Variants in OR1A1 observed in about 807,000 individuals in gnomAD.
OR1A1 encodes olfactory receptor family 1 subfamily A member 1, also known as olfactory receptor 1A1.
For missense variants in OR1A1, 391 were observed against 379.9 expected (o/e 1.03, Z -0.24); for synonymous variants, 145 against 147.8 (o/e 0.98, Z 0.13).
At chr17:3,214,933 A>G (rs1272093511) in intron 3 of OR1A1, 2 of 152,156 alleles carry the variant, frequency 1.3e-5, no homozygotes, top group African/African-American at 4.8e-5. Context: ...ACACCTGGGG[A>G]GAAAATTCTC....
In OR1A1 at chr17:3,218,177, A is replaced by C. The variant is rs1301431106; in HGVS notation, c.*1627A>C. The C allele has an allele frequency of 6.6e-6, 1 of 152,256 alleles. No individual in the cohort carries two copies. Among genetic ancestry groups the C allele is most frequent in the Non-Finnish European group, 1.5e-5 (1 of 68,042 alleles). The allele number at this position is 152,256 out of a possible 1,614,324, so 9.4% of individuals were successfully genotyped here. ...ATAAACATATGAAAAAAAGCTCAAC[A>C]TCACTGGTCGTTAGAGAAATGCAAA... is the stretch of plus-strand genomic sequence containing the variant. On this transcript the variant is annotated 3_prime_UTR_variant, in exon 4 of 4. Transcript: ENST00000641732.
Position 3,216,079 on chromosome 17 carries a change from T to A in OR1A1, c.459T>A (p.Asn153Lys). ...WLIAGSWVIG[N>K]ANALPHTLLT... ...TTGCTGGGTCTTGGGTGATTGGAAA[T>A]GCCAATGCCCTCCCCCACACTCTGC... Residue 153 changes from asparagine to lysine, a missense_variant, in exon 4 of 4, where the codon AAT becomes AAA. Physicochemically the swap from Asn to Lys is moderately conservative, Grantham distance 94. Coordinates refer to ENST00000641732, the MANE Select transcript of OR1A1 (RefSeq NM_014565.3). 2 of 1,614,140 alleles carry A rather than the reference T, an allele frequency of 1.2e-6. No individual in the cohort carries two copies. The highest frequency in any genetic ancestry group is 1.7e-6 in the Non-Finnish European group (2 of 1,180,014).
In OR1A1 at chr17:3,216,787, T is replaced by C. The variant is rs1314432600; in HGVS notation, c.*237T>C. On this transcript the variant is annotated 3_prime_UTR_variant, in exon 4 of 4. Transcript: ENST00000641732. Reference sequence around the variant, plus strand: ...GCAGCACAGGGATATAGGGCATATGTCCTGATGAGCAGAGTCAAGTTGGGA... The same window carrying C: ...GCAGCACAGGGATATAGGGCATATGCCCTGATGAGCAGAGTCAAGTTGGGA... 4 of 429,066 alleles carry C rather than the reference T, an allele frequency of 9.3e-6. No individual in the cohort carries two copies. Among genetic ancestry groups the C allele is most frequent in the Non-Finnish European group, 1.7e-5 (4 of 241,312 alleles). The allele number at this position is 429,066 out of a possible 1,614,324, so 26.6% of individuals were successfully genotyped here.
rs753467427 is a variant in OR1A1 at position 3,216,076 on chromosome 17, A to T, written c.456A>T (p.Gly152=). 6.2e-7 allele frequency: 1 copy of T among 1,614,086 alleles called. No individual in the cohort carries two copies. Among genetic ancestry groups the T allele is most frequent in the Non-Finnish European group, 8.5e-7 (1 of 1,180,024 alleles). ...TTATTGCTGGGTCTTGGGTGATTGG[A>T]AATGCCAATGCCCTCCCCCACACTC... ...IWLIAGSWVI[G]NANALPHTLL... Residue 152 remains glycine, a synonymous_variant, in exon 4 of 4, where the codon GGA becomes GGT. Transcript: ENST00000641732.
rs1283926986 is a variant in OR1A1, at chr17:3,218,247, A to C, written c.*1697A>C. The C allele has an allele frequency of 8.5e-5, 13 of 152,364 alleles. No individual in the cohort carries two copies. The highest frequency in any genetic ancestry group is 3.3e-4 in the Admixed American group (5 of 15,302). The allele number at this position is 152,364 out of a possible 1,614,324, so 9.4% of individuals were successfully genotyped here. A position where few individuals can be genotyped will look rare whatever the true frequency, so the allele number is the denominator to read the frequency against. On this transcript the variant is annotated 3_prime_UTR_variant, in exon 4 of 4. Transcript: ENST00000641732. ...CCATCTCATGCCAGTTGGAATGGCG[A>C]TCATTAAAAAGTAAGGAAACAACAT...
intron 3 of OR1A1, chr17:3,214,562 A>G (rs898171200): frequency 6.6e-6 from 1 of 151,696 alleles, no homozygotes; most frequent in African/African-American, 2.4e-5. Flanking sequence ...AAAATATTCC[A>G]TAATAGTCTA....
At chr17:3,214,388 T>C (rs1330724959) in intron 3 of OR1A1, 1 of 151,988 alleles carries the variant, frequency 6.6e-6, no homozygotes, top group Non-Finnish European at 1.5e-5. Context: ...CCAGGCGTAG[T>C]GGCACATGCC....
chr17:3,216,381 T>G lies in OR1A1; in HGVS notation c.761T>G (p.Val254Gly). ...LTVVSLYYGT[V>G]MGTYFRPLTN... ...GTTGTCTCTTTGTATTATGGTACAG[T>G]CATGGGCACGTATTTCCGCCCTTTG... The change falls in exon 4 of 4, where the codon GTC becomes GGC. Residue 254 changes from valine to glycine, a missense_variant. Transcript: ENST00000641732. 2 of 1,614,194 alleles carry G rather than the reference T, an allele frequency of 1.2e-6. No individual in the cohort carries two copies. Among genetic ancestry groups the G allele is most frequent in the Non-Finnish European group, 1.7e-6 (2 of 1,180,028 alleles).
At position 3,216,024 on chromosome 17, in the gene OR1A1, T is replaced by C. The variant is rs768898355; in HGVS notation, c.404T>C (p.Ile135Thr). Residue 135 changes from isoleucine (I) to threonine (T), a missense_variant, in exon 4 of 4, where the codon ATT becomes ACT. Coordinates refer to ENST00000641732, the MANE Select transcript of OR1A1 (RefSeq NM_014565.3). ...AGCCGCCCACTTCACTACACAACAA[T>C]TATGAGTCCACGGTCTTGTATCTGG... ...AISRPLHYTT[I>T]MSPRSCIWLI... 47 of 1,614,022 alleles carry C rather than the reference T, an allele frequency of 2.9e-5. No homozygotes were observed. The South Asian group carries it at 5.1e-4, about 17-fold the overall frequency.
chr17:3,211,135 A>AAG (rs2048439220), intron 2 of OR1A1, among the ~76,000 whole-genome samples: 1 of 152,156 alleles, frequency 6.6e-6, no homozygotes, highest in Non-Finnish European at 1.5e-5. Context: ...CTCATGTCAC[A>AAG]CACCACTTTC....
chr17:3,209,027 T>C (rs117173146), intron 2 of OR1A1, 29 bp downstream of exon 2: 37,904 of 151,926 alleles, frequency 0.25, 5,522 homozygotes, highest in East Asian at 0.57. Flanking sequence ...TCTTTTTAAT[T>C]TTTTTAAATT....
chr17:3,216,281 T>G lies in OR1A1; in HGVS notation c.661T>G (p.Phe221Val). 6.2e-7 allele frequency: 1 copy of G among 1,614,236 alleles called. No homozygotes were observed. The highest frequency in any genetic ancestry group is 8.5e-7 in the Non-Finnish European group (1 of 1,180,040). ...LCIIVSYIRV[F>V]STVFQVPSTK... is the part of the protein sequence containing the mutation. ...CATCATTGTCTCCTATATTCGAGTCTTCTCCACAGTCTTCCAGGTTCCTTC... is the reference window on the plus strand; with the variant it reads ...CATCATTGTCTCCTATATTCGAGTCGTCTCCACAGTCTTCCAGGTTCCTTC... The change falls in exon 4 of 4, where the codon TTC becomes GTC. Residue 221 changes from phenylalanine to valine, a missense_variant. Coordinates refer to ENST00000641732, the MANE Select transcript of OR1A1 (RefSeq NM_014565.3).
rs753111371 is a variant in OR1A1 at position 3,208,003 on chromosome 17, A to G, written c.-557+3A>G. ...ACTGTAGGCTACTTGCCCAAGAGGTAAGTTGAATTATGATGTCATTTTATC... is the reference window on the plus strand; with the variant it reads ...ACTGTAGGCTACTTGCCCAAGAGGTGAGTTGAATTATGATGTCATTTTATC... On this transcript the variant is annotated splice_donor_region_variant and intron_variant, in intron 1 of 3. Coordinates refer to ENST00000641732, the MANE Select transcript of OR1A1 (RefSeq NM_014565.3). The G allele has an allele frequency of 2.6e-5, 4 of 152,236 alleles. No homozygotes were observed. The highest frequency in any genetic ancestry group is 4.4e-5 in the Non-Finnish European group (3 of 68,064). 9.4% of individuals were successfully genotyped at this position (152,236 alleles called of 1,614,324 possible).
In OR1A1 at chr17:3,216,182, T is replaced by C; in HGVS notation, c.562T>C (p.Ser188Pro). The change falls in exon 4 of 4, where the codon TCC (serine) becomes CCC (proline). Residue 188 changes from serine (S) to proline (P), a missense_variant. Physicochemically the swap from Ser to Pro is moderately conservative, Grantham distance 74 (BLOSUM62 -1). Coordinates refer to ENST00000641732, the MANE Select transcript of OR1A1 (RefSeq NM_014565.3). Reference sequence around the variant, plus strand: ...TGACATTACCCCCTTGCTGAAGTTATCCTGTTCTGACATCCACTTTCATGT... The same window carrying C: ...TGACATTACCCCCTTGCTGAAGTTACCCTGTTCTGACATCCACTTTCATGT... ...YCDITPLLKL[S>P]CSDIHFHVKM... 2 of 1,614,188 alleles carry C rather than the reference T, an allele frequency of 1.2e-6. No individual in the cohort carries two copies. Among genetic ancestry groups the C allele is most frequent in the Non-Finnish European group, 1.7e-6 (2 of 1,180,030 alleles).
chr17:3,215,562 A>G (rs1046684493), intron 3 of OR1A1, 54 bp from the exon 4 acceptor site: 2 of 1,287,508 alleles, frequency 1.6e-6, no homozygotes, highest in South Asian at 1.3e-5. Context: ...GATTATCACT[A>G]CACACAGTAA....
At chr17:3,209,777 A>C (rs2048432573) in intron 2 of OR1A1, among the ~76,000 whole-genome samples, 5 of 152,118 alleles carry the variant, frequency 3.3e-5, no homozygotes, top group Admixed American at 2.6e-4. Context: ...TTCTAAATAA[A>C]TCGATATTAC....
intron 3 of OR1A1, chr17:3,212,925 G>A (rs1013720577): frequency 1.3e-5 from 2 of 152,288 alleles, no homozygotes; most frequent in East Asian, 1.9e-4. Flanking sequence ...TGATTTACAT[G>A]GAGCAGGAAA....
Position 3,216,185 on chromosome 17 carries a change from T to G in OR1A1, c.565T>G (p.Cys189Gly), listed in dbSNP as rs776437315. ...CATTACCCCCTTGCTGAAGTTATCC[T>G]GTTCTGACATCCACTTTCATGTGAA... Reference protein sequence around the residue: ...CDITPLLKLSCSDIHFHVKMM... With the variant: ...CDITPLLKLSGSDIHFHVKMM... The change falls in exon 4 of 4, where the codon TGT becomes GGT. Residue 189 changes from cysteine to glycine, a missense_variant. By Grantham distance (159) the Cys-to-Gly change is radical. Transcript: ENST00000641732. 3 of 1,614,080 alleles carry G rather than the reference T, an allele frequency of 1.9e-6. No individual in the cohort carries two copies. In the African/African-American group the frequency reaches 4.0e-5, roughly 22 times the overall value.
chr17:3,210,135 A>T (rs1567524229), intron 2 of OR1A1, among the ~76,000 whole-genome samples: 2 of 148,906 alleles, frequency 1.3e-5, no homozygotes, highest in African/African-American at 4.9e-5. Flanking sequence ...GACAATGCAC[A>T]TGTGCCCGTC....
Sources: allele counts gnomAD v4.1 joint callset (sites outside exome capture counted in the v4.1 genomes callset), GRCh38; gene constraint gnomAD v4.1.1; transcripts MANE v1.5; gene names NCBI Gene and HGNC (gene_info 2026-07-23, HGNC 2026-07-21).